PCDHGA9: variants seen among roughly 807,000 people sequenced by gnomAD.
PCDHGA9 encodes protocadherin gamma-A9.
Under a neutral mutation model 62.5 loss-of-function variants are expected in PCDHGA9, and 37 were observed. The ratio of observed to expected loss-of-function variants is 0.59; its 90% CI spans 0.46 to 0.78. The LOEUF is 0.78. Ranked by LOEUF, PCDHGA9 falls within the 30% of genes least tolerant of loss-of-function variation. PCDHGA9 has a pLI of 0.00. For synonymous variants in PCDHGA9, 459 were observed against 484.6 expected, an observed-to-expected ratio of 0.95 and a Z score of 0.69; for missense variants, 1,138 against 1,166.2, an observed-to-expected ratio of 0.98 and a Z score of 0.35.
At chr5:141,434,240 T>A (rs979144259) in intron 1 of PCDHGA9, among the ~76,000 whole-genome samples, 1 of 152,336 alleles carries the variant, frequency 6.6e-6, no homozygotes, top group East Asian at 1.9e-4. Flanking sequence ...CTGGACTAGA[T>A]GACTTGGGCA....
At chr5:141,430,986 C>T (rs549700048) in intron 1 of PCDHGA9, 3 of 1,613,762 alleles carry the variant, frequency 1.9e-6, no homozygotes, top group East Asian at 2.2e-5. Flanking sequence ...CAGCTTTTCG[C>T]CCTGAATCCG....
Position 141,404,042 on chromosome 5 carries a change from A to G in PCDHGA9, c.1090A>G (p.Thr364Ala). The change falls in exon 1 of 4, where the codon ACA becomes GCA. Residue 364 changes from threonine to alanine, a missense_variant. By Grantham distance (58) the Thr-to-Ala change is moderately conservative (BLOSUM62 0). Transcript: ENST00000573521. ...AGTGAGAGAAGACGCACCTCAGGGA[A>G]CAGTAATTCTTCTTTTCAATGCTCA... ...SPVREDAPQG[T>A]VILLFNAHDR... The G allele has an allele frequency of 3.1e-6, 5 of 1,613,892 alleles. No individual in the cohort carries two copies. Among genetic ancestry groups the G allele is most frequent in the Non-Finnish European group, 4.2e-6 (5 of 1,179,812 alleles).
chr5:141,424,195 A>C (rs2096804945), intron 1 of PCDHGA9: 1 of 183,680 alleles, frequency 5.4e-6, no homozygotes, highest in Non-Finnish European at 1.1e-5. Context: ...ACACACTTAT[A>C]CACGTAAGCT....
intron 1 of PCDHGA9, among the ~76,000 whole-genome samples, chr5:141,463,377 G>T (rs1161419035): frequency 2.7e-5 from 4 of 147,358 alleles, no homozygotes; most frequent in Non-Finnish European, 3.0e-5. Flanking sequence ...CCCACAGTCT[G>T]AAAGTTGTCT....
At chr5:141,445,312 T>C (rs1419229431) in intron 1 of PCDHGA9, among the ~76,000 whole-genome samples, 2 of 152,194 alleles carry the variant, frequency 1.3e-5, no homozygotes, top group African/African-American at 4.8e-5. Context: ...AGTTTGTAGG[T>C]TGAGAGAACC....
At chr5:141,478,329 C>T (rs1295950117) in intron 1 of PCDHGA9, 1 of 1,613,982 alleles carries the variant, frequency 6.2e-7, no homozygotes, top group African/African-American at 1.3e-5. Context: ...TACCGAACAC[C>T]AGGGCCCTCC....
In PCDHGA9 at chr5:141,486,680, T is replaced by A; in HGVS notation, c.2425-8127T>A. The A allele has an allele frequency of 6.2e-7, 1 of 1,614,102 alleles. No homozygotes were observed. Among genetic ancestry groups the A allele is most frequent in the Non-Finnish European group, 8.5e-7 (1 of 1,180,018 alleles). ...CCTGGAGCCCAGGAATCGAGATGTA[T>A]CAGCTTCCTCTTTCATCTCTCTGAA... is the stretch of plus-strand genomic sequence containing the variant. On this transcript the variant is annotated intron_variant, in intron 1 of 3. Coordinates refer to ENST00000573521, the MANE Select transcript of PCDHGA9 (RefSeq NM_018921.3). This position sits in a 1 kb window ranked among gnomAD's most constrained non-coding sequence, Gnocchi z 5.0.
At chr5:141,504,236 C>A (rs1011850372) in intron 2 of PCDHGA9, among the ~76,000 whole-genome samples, 2 of 152,194 alleles carry the variant, frequency 1.3e-5, no homozygotes, top group African/African-American at 4.8e-5. Flanking sequence ...TTCTAAGAAG[C>A]AGAGAGTTCT....
intron 1 of PCDHGA9, chr5:141,428,062 A>G: frequency 6.2e-7 from 1 of 1,609,084 alleles, no homozygotes; most frequent in African/African-American, 1.3e-5. Flanking sequence ...GTGGCGGTGG[A>G]CGCAGATTCG....
Position 141,486,572 on chromosome 5 carries a change from A to G in PCDHGA9, c.2425-8235A>G. 1 of 1,613,876 alleles carries G rather than the reference A, an allele frequency of 6.2e-7. No individual in the cohort carries two copies. Among genetic ancestry groups the G allele is most frequent in the Non-Finnish European group, 8.5e-7 (1 of 1,180,002 alleles). ...GTCACATGAGGTGTTTGTTCCTGAG[A>G]ACAATCGCCCAGGGGACCTGCTTTG... is the stretch of plus-strand genomic sequence containing the variant. On this transcript the variant is annotated intron_variant, in intron 1 of 3. Coordinates refer to ENST00000573521, the MANE Select transcript of PCDHGA9 (RefSeq NM_018921.3). This position sits in a 1 kb window ranked among gnomAD's most constrained non-coding sequence, Gnocchi z 5.0.
At chr5:141,435,314 G>T (rs1490871069) in intron 1 of PCDHGA9, among the ~76,000 whole-genome samples, 6 of 152,006 alleles carry the variant, frequency 3.9e-5, no homozygotes, top group African/African-American at 9.7e-5. Flanking sequence ...AATCATTCAT[G>T]AACTTCCAAA....
At chr5:141,445,890 T>A (rs1435563284) in intron 1 of PCDHGA9, among the ~76,000 whole-genome samples, 1 of 152,210 alleles carries the variant, frequency 6.6e-6, no homozygotes, top group Non-Finnish European at 1.5e-5. Flanking sequence ...ACTTAGGAGC[T>A]ATTAAAATAT....
intron 2 of PCDHGA9, among the ~76,000 whole-genome samples, chr5:141,501,286 C>T (rs2099806802): frequency 8.9e-6 from 1 of 112,422 alleles, no homozygotes; most frequent in African/African-American, 3.5e-5. Context: ...GGGATATTCC[C>T]TTATACACAC....
At chr5:141,497,272 T>G (rs568198729) in intron 2 of PCDHGA9, among the ~76,000 whole-genome samples, 20 of 152,254 alleles carry the variant, frequency 1.3e-4, no homozygotes, top group African/African-American at 4.3e-4. Flanking sequence ...CTAGGCCATT[T>G]ATGTTCCCTC....
intron 1 of PCDHGA9, chr5:141,419,596 G>A (rs377287183): frequency 2.6e-5 from 42 of 1,611,564 alleles, no homozygotes; most frequent in Non-Finnish European, 3.3e-5. Flanking sequence ...ACACAGTGCC[G>A]CGGGCCGCGC....
At chr5:141,409,729 G>A (rs781234442) in intron 1 of PCDHGA9, 161 of 1,612,966 alleles carry the variant, frequency 1.0e-4, no homozygotes, top group Non-Finnish European at 1.7e-6. Context: ...CAGTGAGCGC[G>A]CAGAGCGGGG....
rs1562137380 is a variant in PCDHGA9, at chr5:141,490,297, G to T, written c.2425-4510G>T. On this transcript the variant is annotated intron_variant, in intron 1 of 3. Coordinates refer to ENST00000573521, the MANE Select transcript of PCDHGA9 (RefSeq NM_018921.3). This position sits in a 1 kb window ranked among gnomAD's most constrained non-coding sequence, Gnocchi z 5.4. The stretch of plus-strand genomic sequence containing the variant: ...TGACAATGCCCCAGAGGTGCTATTG[G>T]CCTCTTTGGCCAACCCTGTCCTAGA... 2 of 1,614,202 alleles carry T rather than the reference G, an allele frequency of 1.2e-6. No individual in the cohort carries two copies. Among genetic ancestry groups the T allele is most frequent in the South Asian group, 1.1e-5 (1 of 91,086 alleles).
In PCDHGA9 at chr5:141,511,477, C is replaced by A; in HGVS notation, c.*304C>A. 2.1e-6 allele frequency: 1 copy of A among 482,262 alleles called. No homozygotes were observed. The allele number at this position is 482,262 out of a possible 1,614,324, so 29.9% of individuals were successfully genotyped here. A position where few individuals can be genotyped will look rare whatever the true frequency, so the allele number is the denominator to read the frequency against. On this transcript the variant is annotated 3_prime_UTR_variant, in exon 4 of 4. Coordinates refer to ENST00000573521, the MANE Select transcript of PCDHGA9 (RefSeq NM_018921.3). ...TTTGCCACACCCCGTTTAGTTACAG[C>A]TGAACTCCTCCATCTTCCAAATCAA...
chr5:141,439,131 T>A (rs2098090046), intron 1 of PCDHGA9, among the ~76,000 whole-genome samples: 1 of 150,502 alleles, frequency 6.6e-6, no homozygotes, highest in Non-Finnish European at 1.5e-5. Flanking sequence ...AGACAGAGGT[T>A]GCAGTGAGCT....
Sources: allele counts gnomAD v4.1 joint callset (sites outside exome capture counted in the v4.1 genomes callset), GRCh38; gene constraint gnomAD v4.1.1; non-coding constraint Gnocchi (gnomAD v3.1); transcripts MANE v1.5; gene names NCBI Gene and HGNC (gene_info 2026-07-23, HGNC 2026-07-21).